Variants in RPTOR observed in about 807,000 individuals in gnomAD.
RPTOR encodes regulatory-associated protein of mTOR.
RPTOR carries 21 observed loss-of-function variants against 169.9 expected under a neutral mutation model. That is an observed-to-expected ratio of 0.12 (90% CI 0.09 to 0.18). The LOEUF (loss-of-function observed/expected upper bound fraction) is 0.18. RPTOR is among the 10% of genes least tolerant of loss of function. The probability of loss-of-function intolerance (pLI) is 1.00; values close to 1 mark genes in which losing one functional copy is unlikely to be tolerated. For missense variants in RPTOR, 1,133 were observed against 1,855.9 expected (o/e 0.61, Z 7.16); for synonymous variants, 732 against 753.2 (o/e 0.97, Z 0.46).
intron 3 of RPTOR, among the ~76,000 whole-genome samples, chr17:80,648,624 T>C (rs890082876): frequency 1.3e-5 from 2 of 152,134 alleles, no homozygotes; most frequent in African/African-American, 2.4e-5. Context: ...TTCTTTCCCC[T>C]GGGATGATTA....
At chr17:80,887,611 C>T (rs2068264689) in intron 17 of RPTOR, among the ~76,000 whole-genome samples, 9 of 152,224 alleles carry the variant, frequency 5.9e-5, no homozygotes, top group Admixed American at 5.9e-4. Flanking sequence ...TGCTGTGGGG[C>T]TGGGGTTGGG....
Position 80,961,431 on chromosome 17 carries a change from G to A in RPTOR, c.3643G>A (p.Val1215Met), listed in dbSNP as rs985010259. 2.3e-5 allele frequency: 36 copies of A among 1,551,458 alleles called. No individual in the cohort carries two copies. Among genetic ancestry groups the A allele is most frequent in the Non-Finnish European group, 3.0e-5 (35 of 1,147,962 alleles). The stretch of plus-strand genomic sequence containing the variant: ...GTACCGGGAGCACACAGCCTGGGTG[G>A]TGAAGGCCTCCCTGCAGAAGCGTCC... Reference protein sequence around the residue: ...MTYREHTAWVVKASLQKRPDG... With the variant: ...MTYREHTAWVMKASLQKRPDG... Residue 1215 changes from valine (V) to methionine (M), a missense_variant, in exon 31 of 34, where the codon GTG becomes ATG. Val to Met is a conservative substitution (Grantham distance 21). Transcript: ENST00000306801.
intron 24 of RPTOR, among the ~76,000 whole-genome samples, chr17:80,939,632 G>T (rs895367666): frequency 6.6e-6 from 1 of 152,126 alleles, no homozygotes; most frequent in African/African-American, 2.4e-5. Context: ...GCCCAGGAAG[G>T]TCCCACACTC....
chr17:80,602,897 CT>C, intron 1 of RPTOR: 1 of 473,644 alleles, frequency 2.1e-6, no homozygotes, highest in Non-Finnish European at 3.9e-6. Flanking sequence ...GGCCGTTTTT[CT>C]TCTCGCCATC....
At chr17:80,849,368 G>A (rs572127405) in intron 11 of RPTOR, among the ~76,000 whole-genome samples, 7 of 152,266 alleles carry the variant, frequency 4.6e-5, no homozygotes, top group Admixed American at 2.6e-4. Context: ...CGGCTGATTC[G>A]CAGCCCCTCC....
chr17:80,787,898 G>T (rs535166598), intron 6 of RPTOR, among the ~76,000 whole-genome samples: 1 of 152,236 alleles, frequency 6.6e-6, no homozygotes, highest in East Asian at 1.9e-4. Flanking sequence ...TGGTTATGAT[G>T]GATATTGCCC....
At chr17:80,620,142 C>T (rs1051589023) in intron 1 of RPTOR, among the ~76,000 whole-genome samples, 2 of 152,144 alleles carry the variant, frequency 1.3e-5, no homozygotes, top group Non-Finnish European at 2.9e-5. Context: ...TGAAATTTAC[C>T]GTCATGTCCA....
chr17:80,725,913 T>C (rs550022258), intron 4 of RPTOR, among the ~76,000 whole-genome samples: 3 of 152,314 alleles, frequency 2.0e-5, no homozygotes, highest in South Asian at 4.2e-4. Context: ...AGGCAGCGGT[T>C]CTCAACCAGG....
chr17:80,682,831 G>C (rs918083471), intron 3 of RPTOR, among the ~76,000 whole-genome samples: 1 of 151,502 alleles, frequency 6.6e-6, no homozygotes, highest in Non-Finnish European at 1.5e-5. Context: ...GCGTCTTGCT[G>C]TGTTCCCCAG....
At chr17:80,951,806 C>T (rs950459493) in intron 28 of RPTOR, among the ~76,000 whole-genome samples, 2 of 152,238 alleles carry the variant, frequency 1.3e-5, no homozygotes, top group Non-Finnish European at 2.9e-5. Context: ...CAGGGTCGGG[C>T]TGTGCCATGT....
rs1275981464 is a variant in RPTOR at position 80,711,744 on chromosome 17, C to T, written c.507+3745C>T. Among the ~76,000 whole-genome samples the T allele has an allele frequency of 2.1e-3, 184 of 88,768 alleles. 1 individual carries two copies. Among genetic ancestry groups the T allele is most frequent in the African/African-American group, 4.3e-3 (67 of 15,640 alleles). The allele number at this position is 88,768 out of a possible 152,430, so 58.2% of individuals were successfully genotyped here. On this transcript the variant is annotated intron_variant, in intron 4 of 33. Transcript: ENST00000306801. ...AGTTAACATATAGTTATACATCAGTCTTTTTTTTTTTTTTTTGAGGTTAAG... is the reference window on the plus strand; with the variant it reads ...AGTTAACATATAGTTATACATCAGTTTTTTTTTTTTTTTTTTGAGGTTAAG...
chr17:80,840,560 G>A (rs1449669725), intron 10 of RPTOR, among the ~76,000 whole-genome samples: 1 of 130,454 alleles, frequency 7.7e-6, no homozygotes, highest in East Asian at 2.4e-4. Flanking sequence ...CTCACCGCAC[G>A]GCAGCTCACA....
chr17:80,690,014 C>G (rs2065977359), intron 3 of RPTOR, among the ~76,000 whole-genome samples: 2 of 152,176 alleles, frequency 1.3e-5, no homozygotes, highest in African/African-American at 2.4e-5. Flanking sequence ...TAAAAGCATT[C>G]TAGGGGAGAG....
At chr17:80,610,274 C>T (rs1270263541) in intron 1 of RPTOR, among the ~76,000 whole-genome samples, 1 of 152,078 alleles carries the variant, frequency 6.6e-6, no homozygotes, top group African/African-American at 2.4e-5. Context: ...TTTCCTGTTC[C>T]TGGTACATGC....
chr17:80,597,734 G>A (rs1039426318), intron 1 of RPTOR, among the ~76,000 whole-genome samples: 2 of 151,980 alleles, frequency 1.3e-5, no homozygotes, highest in African/African-American at 4.8e-5. Flanking sequence ...AGCTGGTCTC[G>A]AACTCCTGAG....
chr17:80,808,005 C>G (rs1270017959), intron 7 of RPTOR, among the ~76,000 whole-genome samples: 1 of 152,054 alleles, frequency 6.6e-6, no homozygotes, highest in Non-Finnish European at 1.5e-5. Context: ...CTGCTAAAAA[C>G]TAATCTAAGC....
intron 17 of RPTOR, 139 bp downstream of exon 17, chr17:80,885,287 A>G (rs1028238452): frequency 8.6e-5 from 91 of 1,063,560 alleles, no homozygotes; most frequent in Non-Finnish European, 1.1e-4. Flanking sequence ...AGATCTTTAC[A>G]TGTTTCATTC....
chr17:80,781,726 C>G (rs1178418179), intron 6 of RPTOR, among the ~76,000 whole-genome samples: 1 of 152,206 alleles, frequency 6.6e-6, no homozygotes, highest in Non-Finnish European at 1.5e-5. Flanking sequence ...CAGAAACCTC[C>G]TTATAGGGAG....
chr17:80,933,281 G>A (rs2068919513), intron 24 of RPTOR, among the ~76,000 whole-genome samples: 2 of 152,128 alleles, frequency 1.3e-5, no homozygotes, highest in Non-Finnish European at 2.9e-5. Context: ...CAATGCAGCA[G>A]TATTGTACCC....
Sources: gnomAD v4.1 joint callset for allele counts (sites outside exome capture counted in the v4.1 genomes callset) on GRCh38, gnomAD v4.1.1 for gene constraint, MANE v1.5 for transcripts, NCBI Gene and HGNC (gene_info 2026-07-23, HGNC 2026-07-21) for gene names.